Variants in CADPS observed in about 807,000 individuals in gnomAD.
The protein encoded by CADPS is calcium-dependent secretion activator 1.
A neutral mutation model predicts 167.3 loss-of-function variants in CADPS; 57 were observed. The observed-to-expected ratio is 0.34, with a 90% CI of 0.28 to 0.42. The LOEUF is 0.42. CADPS is among the 20% of genes least tolerant of loss of function. The pLI, the probability that CADPS is intolerant of heterozygous loss-of-function variation, is 1.00. For missense variants in CADPS, 1,414 were observed against 1,738.1 expected (o/e 0.81, Z 3.32); for synonymous variants, 676 against 635.3 (o/e 1.06, Z -0.96).
At chr3:62,751,177 A>G (rs1575836908) in intron 3 of CADPS, among the ~76,000 whole-genome samples, 1 of 152,346 alleles carries the variant, frequency 6.6e-6, no homozygotes, top group African/African-American at 2.4e-5. Flanking sequence ...ATGTTGTGAA[A>G]TATTATCATG....
chr3:62,500,753 A>G (rs2065636492), intron 17 of CADPS: 1 of 152,196 alleles, frequency 6.6e-6, no homozygotes, highest in African/African-American at 2.4e-5. Context: ...TCTGGCAGGC[A>G]GCAGTGGGTG....
chr3:62,411,653 T>G (rs561925085), intron 28 of CADPS, among the ~76,000 whole-genome samples: 1 of 152,144 alleles, frequency 6.6e-6, no homozygotes, highest in Non-Finnish European at 1.5e-5. Context: ...GCCCCCTGGG[T>G]CTCTCAGGTC....
intron 1 of CADPS, among the ~76,000 whole-genome samples, chr3:62,780,423 A>G (rs2091353594): frequency 6.6e-6 from 1 of 152,202 alleles, no homozygotes; most frequent in Admixed American, 6.5e-5. Flanking sequence ...AAAAAAATAA[A>G]TAAAATTATA....
intron 3 of CADPS, among the ~76,000 whole-genome samples, chr3:62,728,367 C>G (rs1015775632): frequency 2.0e-5 from 3 of 151,738 alleles, no homozygotes; most frequent in Non-Finnish European, 4.4e-5. Context: ...TGTTTACAAC[C>G]TAATTAGGAA....
chr3:62,724,194 A>G (rs918002127), intron 3 of CADPS, among the ~76,000 whole-genome samples: 3 of 152,178 alleles, frequency 2.0e-5, no homozygotes, highest in African/African-American at 7.2e-5. Flanking sequence ...CTGCACTTTC[A>G]TTCACCATGG....
intron 6 of CADPS, among the ~76,000 whole-genome samples, chr3:62,604,701 T>G (rs56077940): frequency 1.3e-5 from 2 of 152,226 alleles, no homozygotes; most frequent in African/African-American, 2.4e-5. Flanking sequence ...CCCCCTTTGT[T>G]GTAAAAGGAG....
intron 1 of CADPS, among the ~76,000 whole-genome samples, chr3:62,856,601 A>C (rs2153146860): frequency 6.6e-6 from 1 of 152,208 alleles, no homozygotes; most frequent in African/African-American, 2.4e-5. Context: ...ATAAACCTAC[A>C]ATGATTGAAT....
chr3:62,712,150 AAT>A (rs1196922531), intron 3 of CADPS, among the ~76,000 whole-genome samples: 3 of 152,346 alleles, frequency 2.0e-5, no homozygotes, highest in Non-Finnish European at 4.4e-5. Context: ...TGCTATTAAA[AAT>A]AATGTATATT....
rs920936460 is a variant in CADPS at position 62,871,575 on chromosome 3, C to T, written c.441+3014G>A. ...ATCAGAATGTTTCACACTTCAATTG[C>T]CATCTTTTACCCATCTACGTGGTGC... On this transcript the variant is annotated intron_variant, in intron 1 of 29. Transcript: ENST00000383710. Among the ~76,000 whole-genome samples the T allele has an allele frequency of 3.3e-5, 5 of 152,164 alleles. No homozygotes were observed. The East Asian group carries it at 9.7e-4, about 29-fold the overall frequency.
chr3:62,804,987 G>A (rs1017908138), intron 1 of CADPS, among the ~76,000 whole-genome samples: 9 of 152,136 alleles, frequency 5.9e-5, no homozygotes, highest in Admixed American at 5.9e-4. Context: ...GAATCACAGA[G>A]ATGAAATCAG....
At chr3:62,483,933 G>A (rs781462820) in intron 21 of CADPS, among the ~76,000 whole-genome samples, 21 of 152,136 alleles carry the variant, frequency 1.4e-4, no homozygotes, top group Non-Finnish European at 2.6e-4. Context: ...TCAATTCTGA[G>A]CAAATTAAAA....
rs1009254677 is a variant in CADPS at position 62,549,973 on chromosome 3, C to T, written c.1896G>A (p.Pro632=). Residue 632 remains proline (P), a synonymous_variant, in exon 11 of 30, where the codon CCG becomes CCA. Coordinates refer to ENST00000383710, the MANE Select transcript of CADPS (RefSeq NM_003716.4). ...ATGQSHKPVP[P]TQVQKLNAKG... ...TGGCGTTGAGTTTCTGGACTTGGGT[C>T]GGGGGCACAGGCTTGTGTGACTGCC... 6.8e-6 allele frequency: 11 copies of T among 1,613,894 alleles called. No homozygotes were observed. The highest frequency in any genetic ancestry group is 6.7e-5 in the East Asian group (3 of 44,876).
intron 6 of CADPS, among the ~76,000 whole-genome samples, chr3:62,638,588 T>A (rs913094225): frequency 6.6e-6 from 1 of 152,114 alleles, no homozygotes; most frequent in Non-Finnish European, 1.5e-5. Context: ...TACAGCCTTG[T>A]TTCATAGCTA....
chr3:62,632,549 A>T (rs1165707929), intron 6 of CADPS, among the ~76,000 whole-genome samples: 1 of 152,112 alleles, frequency 6.6e-6, no homozygotes, highest in African/African-American at 2.4e-5. Flanking sequence ...ATTTACATGT[A>T]ATTAAACATT....
intron 8 of CADPS, among the ~76,000 whole-genome samples, chr3:62,576,713 C>G (rs890831157): frequency 7.2e-6 from 1 of 138,644 alleles, no homozygotes; most frequent in Non-Finnish European, 1.5e-5. Context: ...ATCAGTTGAA[C>G]CTGGAAACGG....
In CADPS at chr3:62,565,664, C is replaced by T. The variant is rs542078867; in HGVS notation, c.1644+5208G>A. 2.8e-4 allele frequency among the ~76,000 whole-genome samples: 42 copies of T among 152,316 alleles called. 1 individual carries two copies. The highest frequency in any genetic ancestry group is 1.2e-4 in the African/African-American group (5 of 41,570). Reference sequence around the variant, plus strand: ...TTGAATCTCTGTCACAGAAGCTCCTCGCAACTGCTTCATTCCCTTCACAGT... The same window carrying T: ...TTGAATCTCTGTCACAGAAGCTCCTTGCAACTGCTTCATTCCCTTCACAGT... On this transcript the variant is annotated intron_variant, in intron 9 of 29. Transcript: ENST00000383710.
chr3:62,420,706 A>G lies in CADPS; in HGVS notation c.3777+17398T>C, dbSNP rs937344657. Among the ~76,000 whole-genome samples, 3 of 152,234 alleles carry G rather than the reference A, an allele frequency of 2.0e-5. No individual in the cohort carries two copies. Among genetic ancestry groups the G allele is most frequent in the African/African-American group, 7.2e-5 (3 of 41,456 alleles). ...TAAAGACAAAGTGCTGCTTTTTAAA[A>G]GTTAACATGTGTTTTCACCATGTAC... On this transcript the variant is annotated intron_variant, in intron 28 of 29. Transcript: ENST00000383710. This position sits in a 1 kb window ranked among gnomAD's most constrained non-coding sequence, Gnocchi z 4.1.
At chr3:62,469,710 A>G in intron 24 of CADPS, 1 of 175,216 alleles carries the variant, frequency 5.7e-6, no homozygotes, top group South Asian at 9.7e-5. Flanking sequence ...GGGTTTCACC[A>G]CGTTGGCCAA....
At chr3:62,768,517 C>T (rs2087565022) in intron 1 of CADPS, among the ~76,000 whole-genome samples, 1 of 152,170 alleles carries the variant, frequency 6.6e-6, no homozygotes, top group South Asian at 2.1e-4. Flanking sequence ...CTAACCTTTC[C>T]TTAAATAAGC....
Sources: allele counts gnomAD v4.1 joint callset (sites outside exome capture counted in the v4.1 genomes callset), GRCh38; gene constraint gnomAD v4.1.1; non-coding constraint Gnocchi (gnomAD v3.1); transcripts MANE v1.5; gene names NCBI Gene and HGNC (gene_info 2026-07-23, HGNC 2026-07-21).